The following CHUK variants were observed in gnomAD, a reference collection of about 807,000 sequenced individuals.
CHUK encodes inhibitor of nuclear factor kappa-B kinase subunit alpha.
In CHUK, 35 loss-of-function variants were observed where a neutral mutation model predicts 104.8. The observed-to-expected ratio is 0.33, with a 90% confidence interval of 0.26 to 0.44. The LOEUF (loss-of-function observed/expected upper bound fraction) is 0.44. CHUK is among the 20% of genes least tolerant of loss of function. The pLI, the probability that CHUK is intolerant of heterozygous loss-of-function variation, is 1.00. For missense variants in CHUK, 663 were observed against 902.7 expected (o/e 0.73, Z 3.40); for synonymous variants, 276 against 291.9 (o/e 0.95, Z 0.56).
intron 19 of CHUK, chr10:100,192,738 A>G (rs970868052): frequency 1.0e-6 from 1 of 987,918 alleles, no homozygotes; most frequent in African/African-American, 1.7e-5. Context: ...TTTTAGCAAA[A>G]GAGTAGGAAT....
chr10:100,226,794 G>C (rs978879025), intron 1 of CHUK, among the ~76,000 whole-genome samples: 5 of 152,188 alleles, frequency 3.3e-5, no homozygotes, highest in African/African-American at 1.2e-4. Flanking sequence ...TTGTAATAAA[G>C]GCTGTGTATG....
chr10:100,228,993 G>GCGCA (rs764914118), intron 1 of CHUK, among the ~76,000 whole-genome samples: 118 of 133,552 alleles, frequency 8.8e-4, no homozygotes, highest in Middle Eastern at 3.7e-3. Context: ...GCGCGCGCGC[G>GCGCA]CACACACACA....
intron 15 of CHUK, among the ~76,000 whole-genome samples, chr10:100,200,285 C>A (rs2134215322): frequency 6.6e-6 from 1 of 152,230 alleles, no homozygotes; most frequent in Non-Finnish European, 1.5e-5. Flanking sequence ...AAATTATGAC[C>A]TATAATTCGA....
At chr10:100,228,174 C>G (rs1335087537) in intron 1 of CHUK, among the ~76,000 whole-genome samples, 1 of 152,180 alleles carries the variant, frequency 6.6e-6, no homozygotes, top group East Asian at 1.9e-4. Context: ...AATTATTATA[C>G]TATACTTACT....
At position 100,222,876 on chromosome 10, in the gene CHUK, TCTC is replaced by T; in HGVS notation, c.302_304del (p.Gly101del). 6.6e-7 allele frequency: 1 copy of T among 1,524,606 alleles called. No homozygotes were observed. Among genetic ancestry groups the T allele is most frequent in the Non-Finnish European group, 9.1e-7 (1 of 1,098,550 alleles). 94.4% of individuals were successfully genotyped at this position (1,524,606 alleles called of 1,614,324 possible). A position where few individuals can be genotyped will look rare whatever the true frequency, so the allele number is the denominator to read the frequency against. ...AAACATCCACACTACCTTTCGGAGA[TCTC>T]CTCCAGAACAGTATTCCATTGCTAG... On this transcript the variant is annotated inframe_deletion, in exon 3 of 21. Coordinates refer to ENST00000370397, the MANE Select transcript of CHUK (RefSeq NM_001278.5).
rs1845185171 is a variant in CHUK at position 100,190,985 on chromosome 10, C to A, written c.2109-17G>T. 6.8e-7 allele frequency: 1 copy of A among 1,476,698 alleles called. No homozygotes were observed. The highest frequency in any genetic ancestry group is 9.5e-7 in the Non-Finnish European group (1 of 1,054,676). 91.5% of individuals were successfully genotyped at this position (1,476,698 alleles called of 1,614,324 possible). On this transcript the variant is annotated splice_polypyrimidine_tract_variant and intron_variant, in intron 19 of 20. Coordinates refer to ENST00000370397, the MANE Select transcript of CHUK (RefSeq NM_001278.5). ...GAAGTCTCCCTGTGAGATGAAAGAA[C>A]AAAGCCTTTTCAAACTCAGGAAAAG...
At chr10:100,221,652 G>A (rs1564840904) in intron 4 of CHUK, among the ~76,000 whole-genome samples, 1 of 152,036 alleles carries the variant, frequency 6.6e-6, no homozygotes, top group African/African-American at 2.4e-5. Flanking sequence ...CTTTTTGTGT[G>A]TGTGTGACAA....
chr10:100,201,366 C>A (rs565124602), intron 14 of CHUK, among the ~76,000 whole-genome samples: 1 of 152,010 alleles, frequency 6.6e-6, no homozygotes, highest in Admixed American at 6.6e-5. Flanking sequence ...TTGTCCAAAC[C>A]GGCATAATTT....
chr10:100,209,908 A>G, intron 9 of CHUK, 119 bp from the exon 10 acceptor site: 1 of 588,648 alleles, frequency 1.7e-6, no homozygotes, highest in South Asian at 2.1e-5. Flanking sequence ...AACAAGGCTC[A>G]CTCATTCTCC....
chr10:100,225,220 T>G (rs901755980), intron 2 of CHUK, among the ~76,000 whole-genome samples: 17 of 152,216 alleles, frequency 1.1e-4, no homozygotes, highest in Admixed American at 5.9e-4. Flanking sequence ...TCTGCAAAGC[T>G]GAAACTCCGC....
downstream of CHUK, chr10:100,186,352 A>T (rs1201762816): frequency 3.6e-6 from 1 of 277,826 alleles, no homozygotes; most frequent in African/African-American, 2.2e-5. Context: ...GTCCTTTTGC[A>T]GTGTATGCGG....
Position 100,204,562 on chromosome 10 carries a change from T to C in CHUK, c.1451A>G (p.His484Arg). ...CTCCAAGTCAAGCTGAATGCTTTTG[T>C]GAAAAAACTCCAATTTAGCTTTCAG... ...QQLKAKLEFF[H>R]KSIQLDLERY... Residue 484 changes from histidine to arginine, a missense_variant, in exon 13 of 21, where the codon CAC (histidine) becomes CGC (arginine). Around this residue, in one of 5 missense-constraint regions of CHUK, gnomAD observed 311 missense variants for 393.4 expected, o/e 0.79. Coordinates refer to ENST00000370397, the MANE Select transcript of CHUK (RefSeq NM_001278.5). The C allele has an allele frequency of 1.2e-6, 2 of 1,613,772 alleles. No homozygotes were observed.
chr10:100,221,561 A>AT (rs1344684252), intron 4 of CHUK, among the ~76,000 whole-genome samples: 1 of 152,144 alleles, frequency 6.6e-6, no homozygotes, highest in Non-Finnish European at 1.5e-5. Flanking sequence ...ATTTCACATG[A>AT]TTTTTTTGTC....
At chr10:100,192,232 TAAACATTA>T (rs1335840752) in intron 19 of CHUK, among the ~76,000 whole-genome samples, 1 of 152,240 alleles carries the variant, frequency 6.6e-6, no homozygotes, top group Non-Finnish European at 1.5e-5. Flanking sequence ...GTGACATTTG[TAAACATTA>T]ACATCCGCTA....
chr10:100,218,656 C>G (rs1298288398), intron 8 of CHUK, 62 bp downstream of exon 8: 1 of 1,051,096 alleles, frequency 9.5e-7, no homozygotes, highest in African/African-American at 1.6e-5. Context: ...GACAACTACT[C>G]TCCTGCTCCT....
intron 10 of CHUK, 152 bp from the exon 11 acceptor site, chr10:100,207,484 A>G: frequency 1.7e-6 from 1 of 596,322 alleles, no homozygotes; most frequent in African/African-American, 1.9e-5. Context: ...CAGAGTCCAA[A>G]CTTTTGTTGA....
chr10:100,187,686 G>A (rs1285430179), downstream of CHUK: 3 of 152,208 alleles, frequency 2.0e-5, no homozygotes, highest in Non-Finnish European at 4.4e-5. Flanking sequence ...CACTATAATA[G>A]TCTGTTCTGA....
chr10:100,191,122 C>A (rs1346992413), intron 19 of CHUK, among the ~76,000 whole-genome samples, 154 bp from the exon 20 acceptor site: 1 of 152,180 alleles, frequency 6.6e-6, no homozygotes. Context: ...TTTCCTCATC[C>A]CTCCCTACAG....
chr10:100,210,114 G>C (rs1845695633), intron 9 of CHUK, among the ~76,000 whole-genome samples: 2 of 134,712 alleles, frequency 1.5e-5, no homozygotes, highest in Admixed American at 1.4e-4. Context: ...TTGAGACGGA[G>C]TCTCGCTCTG....
Sources: gnomAD v4.1 joint callset for allele counts (sites outside exome capture counted in the v4.1 genomes callset) on GRCh38, gnomAD v4.1.1 for gene constraint, gnomAD v4.1.1 regional missense constraint, MANE v1.5 for transcripts, NCBI Gene and HGNC (gene_info 2026-07-23, HGNC 2026-07-21) for gene names.